The following ANGPT1 variants were observed in gnomAD, a reference collection of about 807,000 sequenced individuals.
ANGPT1 encodes angiopoietin-1.
Under a neutral mutation model 62.2 loss-of-function variants are expected in ANGPT1, and 17 were observed. That is an observed-to-expected ratio of 0.27 (90% CI 0.19 to 0.41). The LOEUF (loss-of-function observed/expected upper bound fraction) is 0.41, where lower values mean the gene tolerates loss of function less well. ANGPT1 is among the 10% of genes least tolerant of loss of function. ANGPT1 has a pLI of 1.00. For synonymous variants in ANGPT1, 199 were observed against 198.9 expected, an observed-to-expected ratio of 1.00 and a Z score of 0.00; for missense variants, 478 against 594.9, an observed-to-expected ratio of 0.80 and a Z score of 2.04.
At chr8:107,354,916 CT>C (rs780289972) in intron 1 of ANGPT1, among the ~76,000 whole-genome samples, 9,584 of 135,774 alleles carry the variant, frequency 0.071, 613 homozygotes, top group African/African-American at 0.2. Context: ...GATGGTGTTG[CT>C]TTTTTTTTTT....
chr8:107,373,439 G>A (rs1354733942), intron 1 of ANGPT1, among the ~76,000 whole-genome samples: 1 of 152,106 alleles, frequency 6.6e-6, no homozygotes, highest in African/African-American at 2.4e-5. Context: ...TGATACAATT[G>A]ACCACTCTGG....
At chr8:107,342,782 TACACACACACACACACACACACAC>T (rs751210643) in intron 2 of ANGPT1, among the ~76,000 whole-genome samples, 7 of 138,554 alleles carry the variant, frequency 5.1e-5, no homozygotes, top group African/African-American at 1.9e-4. Flanking sequence ...AACTGCCTAA[TACACACACACACACACACACACAC>T]ACACACACAC....
chr8:107,317,394 C>T (rs940264702), intron 4 of ANGPT1, among the ~76,000 whole-genome samples: 5 of 152,212 alleles, frequency 3.3e-5, no homozygotes, highest in African/African-American at 1.2e-4. Flanking sequence ...CATCCTGCTA[C>T]AGCAGAAATG....
chr8:107,460,981 C>T (rs1015566506), intron 1 of ANGPT1, among the ~76,000 whole-genome samples: 1 of 152,074 alleles, frequency 6.6e-6, no homozygotes, highest in African/African-American at 2.4e-5. Flanking sequence ...CCTGACTCTC[C>T]AAGGGTACTT....
At chr8:107,416,217 C>G (rs989322021) in intron 1 of ANGPT1, among the ~76,000 whole-genome samples, 8 of 152,148 alleles carry the variant, frequency 5.3e-5, no homozygotes, top group Non-Finnish European at 1.2e-4. Context: ...AGACACCAAT[C>G]GCAAGTTAGG....
chr8:107,269,213 C>A (rs1199705523), intron 7 of ANGPT1, among the ~76,000 whole-genome samples: 2 of 151,820 alleles, frequency 1.3e-5, no homozygotes, highest in Admixed American at 6.6e-5. Flanking sequence ...GCTCAGAGTC[C>A]CAATTTTTGG....
At chr8:107,339,547 T>C (rs1178645490) in intron 2 of ANGPT1, among the ~76,000 whole-genome samples, 1 of 152,124 alleles carries the variant, frequency 6.6e-6, no homozygotes, top group Non-Finnish European at 1.5e-5. Context: ...TAGTAATACC[T>C]TCCTCACCCT....
intron 2 of ANGPT1, among the ~76,000 whole-genome samples, chr8:107,341,438 GA>G (rs1432875893): frequency 6.6e-6 from 1 of 151,604 alleles, no homozygotes; most frequent in East Asian, 1.9e-4. Context: ...ATTAAATCTT[GA>G]AAAACAAAAC....
intron 1 of ANGPT1, among the ~76,000 whole-genome samples, chr8:107,484,469 C>G (rs953486236): frequency 6.6e-6 from 1 of 151,962 alleles, no homozygotes; most frequent in African/African-American, 2.4e-5. Flanking sequence ...TGCCACGATC[C>G]CAGCTCACTG....
At chr8:107,253,991 G>C (rs1042326001) in intron 8 of ANGPT1, among the ~76,000 whole-genome samples, 1 of 152,226 alleles carries the variant, frequency 6.6e-6, no homozygotes, top group East Asian at 1.9e-4. Context: ...GAAGCTAAGT[G>C]GGTCTGAAGC....
intron 3 of ANGPT1, among the ~76,000 whole-genome samples, chr8:107,323,075 G>A (rs188862045): frequency 7.9e-5 from 12 of 152,066 alleles, no homozygotes; most frequent in African/African-American, 2.9e-4. Flanking sequence ...GAAAGGAGTT[G>A]GGATGCTTTG....
chr8:107,369,363 C>T (rs922536133), intron 1 of ANGPT1, among the ~76,000 whole-genome samples: 26 of 152,146 alleles, frequency 1.7e-4, no homozygotes, highest in African/African-American at 4.8e-4. Context: ...AAGGTAATGT[C>T]GTGGCTGGTT....
chr8:107,471,409 T>C (rs1363879816), intron 1 of ANGPT1, among the ~76,000 whole-genome samples: 1 of 151,854 alleles, frequency 6.6e-6, no homozygotes, highest in African/African-American at 2.4e-5. Flanking sequence ...TGTCAGGCTG[T>C]GGGGGGACTA....
At chr8:107,328,294 C>T (rs1242185834) in intron 3 of ANGPT1, among the ~76,000 whole-genome samples, 5 of 151,850 alleles carry the variant, frequency 3.3e-5, no homozygotes, top group East Asian at 3.9e-4. Flanking sequence ...TTATACTTTA[C>T]GTGTCTAATT....
chr8:107,251,847 T>C lies in ANGPT1; in HGVS notation c.*8A>G, dbSNP rs1450246730. The C allele has an allele frequency of 6.2e-7, 1 of 1,613,722 alleles. No homozygotes were observed. On this transcript the variant is annotated 3_prime_UTR_variant, in exon 9 of 9. Coordinates refer to ENST00000517746, the MANE Select transcript of ANGPT1 (RefSeq NM_001146.5). ...GTTGCTTTCATAATCGCTTCTGACA[T>C]TGCGCTTTCAAAAATCTAAAGGTCG...
chr8:107,395,297 G>T (rs1043433338), intron 1 of ANGPT1, among the ~76,000 whole-genome samples: 6 of 152,112 alleles, frequency 3.9e-5, no homozygotes, highest in African/African-American at 1.4e-4. Flanking sequence ...TTTTATATTT[G>T]CATGTGCTAC....
intron 3 of ANGPT1, among the ~76,000 whole-genome samples, chr8:107,327,348 G>A (rs1815313851): frequency 6.6e-6 from 1 of 152,016 alleles, no homozygotes. Context: ...ATATAGAGAG[G>A]TTGATATGAA....
At chr8:107,489,813 G>A (rs1352825949) in intron 1 of ANGPT1, among the ~76,000 whole-genome samples, 1 of 151,956 alleles carries the variant, frequency 6.6e-6, no homozygotes, top group Non-Finnish European at 1.5e-5. Flanking sequence ...AAAACCAAAG[G>A]GGGTTTGGAA....
chr8:107,381,928 T>A (rs1463916117), intron 1 of ANGPT1, among the ~76,000 whole-genome samples: 1 of 152,202 alleles, frequency 6.6e-6, no homozygotes, highest in South Asian at 2.1e-4. Flanking sequence ...ATTCTTCCTC[T>A]ATATGTGAGT....
Sources: gnomAD v4.1 joint callset for allele counts (sites outside exome capture counted in the v4.1 genomes callset) on GRCh38, gnomAD v4.1.1 for gene constraint, MANE v1.5 for transcripts, NCBI Gene and HGNC (gene_info 2026-07-23, HGNC 2026-07-21) for gene names.